The following CPVL variants were observed in gnomAD, a reference collection of about 807,000 sequenced individuals.
CPVL encodes the protein carboxypeptidase vitellogenic like.
Under a neutral mutation model 63.7 loss-of-function variants are expected in CPVL, and 51 were observed. That is an observed-to-expected ratio of 0.80 (90% CI 0.64 to 1.01). The LOEUF is 1.01. Ranked by LOEUF, CPVL falls within the 50% of genes least tolerant of loss-of-function variation. CPVL has a pLI of 0.00. For missense variants in CPVL, 530 were observed against 573.1 expected, an observed-to-expected ratio of 0.92 and a Z score of 0.77; for synonymous variants, 195 against 206.0, an observed-to-expected ratio of 0.95 and a Z score of 0.46.
intron 4 of CPVL, among the ~76,000 whole-genome samples, chr7:29,183,374 G>T (rs546042185): frequency 6.8e-6 from 1 of 146,918 alleles, no homozygotes; most frequent in East Asian, 2.0e-4. Context: ...GTGAGCCACC[G>T]TGCCTAGCCT....
At chr7:29,068,911 C>A (rs529267639) in intron 9 of CPVL, among the ~76,000 whole-genome samples, 1 of 150,542 alleles carries the variant, frequency 6.6e-6, no homozygotes, top group Non-Finnish European at 1.5e-5. Context: ...TCTCGATCTC[C>A]TGACCTCGTG....
intron 5 of CPVL, among the ~76,000 whole-genome samples, chr7:29,169,004 TA>T (rs1357287714): frequency 6.6e-6 from 1 of 152,200 alleles, no homozygotes; most frequent in African/African-American, 2.4e-5. Context: ...AAGTCCTGGT[TA>T]TTAGAATATC....
intron 1 of CPVL, among the ~76,000 whole-genome samples, chr7:29,140,663 G>A (rs966969782): frequency 3.9e-5 from 6 of 152,152 alleles, no homozygotes; most frequent in African/African-American, 1.4e-4. Context: ...CATTGAGGAA[G>A]CAGCATAATT....
chr7:29,074,751 C>T (rs1220601126), intron 7 of CPVL, among the ~76,000 whole-genome samples: 12 of 150,558 alleles, frequency 8.0e-5, no homozygotes, highest in Admixed American at 1.3e-4. Context: ...TCTCGTAGTA[C>T]CTTTACAGCA....
intron 5 of CPVL, among the ~76,000 whole-genome samples, chr7:29,152,885 A>G (rs1486250046): frequency 6.6e-6 from 1 of 152,230 alleles, no homozygotes; most frequent in African/African-American, 2.4e-5. Context: ...TCTGAATAAC[A>G]AGGACCTCAG....
chr7:29,080,049 A>T (rs986234416), intron 7 of CPVL, among the ~76,000 whole-genome samples: 3 of 152,132 alleles, frequency 2.0e-5, no homozygotes, highest in African/African-American at 4.8e-5. Flanking sequence ...TGGCCCTGGA[A>T]AACAACGGAG....
At chr7:29,063,172 T>TCTCCACTGGCAC (rs1414361951) in intron 11 of CPVL, among the ~76,000 whole-genome samples, 1 of 152,082 alleles carries the variant, frequency 6.6e-6, no homozygotes, top group Non-Finnish European at 1.5e-5. Context: ...GTGACCTCAC[T>TCTCCACTGGCAC]CTCCACTGGC....
In CPVL at chr7:29,064,139, A is replaced by G. The variant is rs1253881705; in HGVS notation, c.1059T>C (p.Thr353=). 6.2e-7 allele frequency: 1 copy of G among 1,612,750 alleles called. No individual in the cohort carries two copies. The highest frequency in any genetic ancestry group is 1.1e-5 in the South Asian group (1 of 91,058). ...CTTCTCGCAAGTACTTTTCAACTAT[A>G]GTTCCATCATTAAAAGTCTGATTCC... ...HVGNQTFNDG[T]IVEKYLREDT... is the part of the protein sequence containing the mutation. Residue 353 remains threonine, a synonymous_variant, in exon 11 of 13, where the codon ACT becomes ACC. Transcript: ENST00000265394.
intron 1 of CPVL, among the ~76,000 whole-genome samples, chr7:29,130,976 G>C (rs909453591): frequency 6.6e-6 from 1 of 152,102 alleles, no homozygotes; most frequent in Non-Finnish European, 1.5e-5. Flanking sequence ...CTACTCTTTA[G>C]GACATTAAAA....
intron 11 of CPVL, among the ~76,000 whole-genome samples, chr7:29,054,559 T>C (rs891141938): frequency 2.6e-5 from 4 of 152,212 alleles, no homozygotes; most frequent in Non-Finnish European, 2.9e-5. Flanking sequence ...TTTGCTATTA[T>C]TCAATTTCAT....
intron 12 of CPVL, among the ~76,000 whole-genome samples, chr7:29,029,608 T>G (rs1219551153): frequency 1.3e-5 from 2 of 152,164 alleles, no homozygotes; most frequent in Non-Finnish European, 2.9e-5. Context: ...AAAGTTAATT[T>G]CATGGAGGTA....
rs1232540472 is a variant in CPVL at position 29,049,536 on chromosome 7, G to GA, written c.1137+14524dup. On this transcript the variant is annotated intron_variant, in intron 11 of 12. Transcript: ENST00000265394. ...AAATGGTAATTAAAAAATTACCAACGAAAAAAAAGTCCAGAACCAGATAGA... is the reference window on the plus strand; with the variant it reads ...AAATGGTAATTAAAAAATTACCAACGAAAAAAAAAGTCCAGAACCAGATAGA... Among the ~76,000 whole-genome samples, 5 of 151,798 alleles carry GA rather than the reference G, an allele frequency of 3.3e-5. No homozygotes were observed. The South Asian group carries it at 8.3e-4, about 25-fold the overall frequency.
intron 2 of CPVL, among the ~76,000 whole-genome samples, chr7:29,120,264 A>C (rs1789223669): frequency 6.6e-6 from 1 of 152,016 alleles, no homozygotes. Context: ...TCTACTAAAA[A>C]TACAAAAATT....
At chr7:29,087,423 C>CAAAAAAA (rs56726137) in intron 6 of CPVL, among the ~76,000 whole-genome samples, 1 of 71,388 alleles carries the variant, frequency 1.4e-5, no homozygotes, top group African/African-American at 4.5e-5. Context: ...GACTCTGTCT[C>CAAAAAAA]AAAAAAAAAA....
intron 1 of CPVL, among the ~76,000 whole-genome samples, chr7:29,125,388 CTTTTTT>C (rs57975250): frequency 1.3e-5 from 1 of 74,140 alleles, no homozygotes; most frequent in African/African-American, 5.2e-5. Context: ...ACTCTCCCGT[CTTTTTT>C]TTTTTTTTTT....
At chr7:29,178,785 A>C (rs1447028391) in intron 5 of CPVL, among the ~76,000 whole-genome samples, 1 of 152,204 alleles carries the variant, frequency 6.6e-6, no homozygotes, top group Non-Finnish European at 1.5e-5. Context: ...ATCTGCATTC[A>C]TATGAAAAAT....
chr7:29,088,883 G>A (rs1490270941), intron 6 of CPVL, among the ~76,000 whole-genome samples: 2 of 152,180 alleles, frequency 1.3e-5, no homozygotes, highest in African/African-American at 4.8e-5. Context: ...GCTGAGGCAG[G>A]AGAATTGCTT....
At chr7:29,188,153 G>T (rs1798953403) in intron 1 of CPVL, among the ~76,000 whole-genome samples, 1 of 152,160 alleles carries the variant, frequency 6.6e-6, no homozygotes, top group Non-Finnish European at 1.5e-5. Context: ...GCTATACTTT[G>T]CTCTAAGGAA....
intron 9 of CPVL, among the ~76,000 whole-genome samples, chr7:29,068,130 G>A (rs751189871): frequency 6.6e-6 from 1 of 150,788 alleles, no homozygotes; most frequent in Non-Finnish European, 1.5e-5. Flanking sequence ...TCAGCCTCCC[G>A]AGTACCTGAG....
Sources: allele counts gnomAD v4.1 joint callset (sites outside exome capture counted in the v4.1 genomes callset), GRCh38; gene constraint gnomAD v4.1.1; transcripts MANE v1.5; gene names NCBI Gene and HGNC (gene_info 2026-07-23, HGNC 2026-07-21).